Variants in RGS6 observed in about 807,000 individuals in gnomAD.
RGS6 encodes regulator of G-protein signaling 6.
In RGS6, 30 loss-of-function variants were observed where a neutral mutation model predicts 78.5. The ratio of observed to expected loss-of-function variants is 0.38; its 90% CI spans 0.29 to 0.52. The LOEUF is 0.52. Among genes scored for constraint, RGS6 ranks in the 20% least tolerant of loss-of-function variants. RGS6 has a pLI of 0.85. For missense variants in RGS6, 495 were observed against 609.7 expected (o/e 0.81, Z 1.98); for synonymous variants, 206 against 206.0 (o/e 1.00, Z 0.00).
intron 17 of RGS6, among the ~76,000 whole-genome samples, chr14:72,546,747 T>G (rs2097410443): frequency 6.6e-6 from 1 of 152,024 alleles, no homozygotes; most frequent in Non-Finnish European, 1.5e-5. Flanking sequence ...AATCAAATCC[T>G]CTGAGGCAGA....
chr14:72,295,575 A>AT (rs1362754760), intron 2 of RGS6, among the ~76,000 whole-genome samples: 4 of 152,200 alleles, frequency 2.6e-5, no homozygotes, highest in East Asian at 1.9e-4. Flanking sequence ...AGGTGACAAC[A>AT]TTTTTTACCA....
At chr14:72,077,605 T>C (rs1170579113) in intron 2 of RGS6, among the ~76,000 whole-genome samples, 1 of 152,232 alleles carries the variant, frequency 6.6e-6, no homozygotes, top group African/African-American at 2.4e-5. Context: ...TGAAGCCCTT[T>C]AATTCTGTTT....
intron 2 of RGS6, among the ~76,000 whole-genome samples, chr14:72,025,149 A>G (rs546481625): frequency 6.6e-6 from 1 of 151,416 alleles, no homozygotes; most frequent in Non-Finnish European, 1.5e-5. Context: ...CTGGAAAACT[A>G]TCATTTTGCT....
intron 1 of RGS6, among the ~76,000 whole-genome samples, chr14:71,942,236 A>C (rs1409375368): frequency 6.6e-6 from 1 of 152,210 alleles, no homozygotes; most frequent in African/African-American, 2.4e-5. Flanking sequence ...AGTTACATTA[A>C]ATAATAACTA....
At chr14:72,547,799 C>T (rs2097430811) in intron 17 of RGS6, among the ~76,000 whole-genome samples, 1 of 152,110 alleles carries the variant, frequency 6.6e-6, no homozygotes, top group African/African-American at 2.4e-5. Context: ...TCAGCCTGAG[C>T]ATGAGCAACA....
chr14:72,430,969 C>T (rs1012632099), intron 3 of RGS6, among the ~76,000 whole-genome samples: 9 of 152,156 alleles, frequency 5.9e-5, no homozygotes, highest in African/African-American at 2.2e-4. Context: ...TTTCCTTCCC[C>T]TGCTGGCTAT....
Position 72,085,853 on chromosome 14 carries a change from CAAAAA to C in RGS6, c.84+120997_84+121001del, listed in dbSNP as rs35951230. Among the ~76,000 whole-genome samples the C allele has an allele frequency of 3.8e-4, 28 of 72,752 alleles. No individual in the cohort carries two copies. In the South Asian group the frequency reaches 0.014, roughly 36 times the overall value. 47.7% of individuals were successfully genotyped at this position (72,752 alleles called of 152,430 possible). On this transcript the variant is annotated intron_variant, in intron 2 of 17. Transcript: ENST00000553525. Reference sequence around the variant, plus strand: ...AGGGAGACAGAGTGAGACACCATCTCAAAAAAAAAAAAAAAAAAAAAAAGCCATCA... The same window carrying C: ...AGGGAGACAGAGTGAGACACCATCTCAAAAAAAAAAAAAAAAAAGCCATCA...
chr14:72,032,534 A>G (rs1017706906), intron 2 of RGS6, among the ~76,000 whole-genome samples: 1 of 152,168 alleles, frequency 6.6e-6, no homozygotes, highest in Non-Finnish European at 1.5e-5. Context: ...CTATGTGTAC[A>G]TTGTTGTGCC....
chr14:72,244,403 G>T (rs547815644), intron 2 of RGS6, among the ~76,000 whole-genome samples: 1 of 152,024 alleles, frequency 6.6e-6, no homozygotes, highest in East Asian at 1.9e-4. Context: ...TGATATCATA[G>T]CCCATTACTG....
intron 12 of RGS6, among the ~76,000 whole-genome samples, chr14:72,482,829 G>A (rs1245428420): frequency 6.6e-6 from 1 of 152,190 alleles, no homozygotes; most frequent in Non-Finnish European, 1.5e-5. Flanking sequence ...AGATTCAAGG[G>A]CAGAAGAAAT....
At chr14:72,003,386 C>G (rs576916866) in intron 2 of RGS6, among the ~76,000 whole-genome samples, 2 of 152,300 alleles carry the variant, frequency 1.3e-5, no homozygotes, top group South Asian at 2.1e-4. Flanking sequence ...ATGTACGGTT[C>G]GGTGGCACTA....
At chr14:72,616,871 G>A in the RGS6 span, among the ~76,000 whole-genome samples, 2 of 152,202 alleles carry the variant, frequency 1.3e-5, no homozygotes, top group Non-Finnish European at 2.9e-5. Flanking sequence ...TCTGCTTGTA[G>A]TACCCTGACA....
chr14:72,454,859 C>A (rs2095589698), intron 4 of RGS6, among the ~76,000 whole-genome samples: 1 of 152,200 alleles, frequency 6.6e-6, no homozygotes, highest in African/African-American at 2.4e-5. Flanking sequence ...TTAGCTGCAG[C>A]AATTAAAGAT....
At chr14:72,613,047 C>CGCACGCGCAT in the RGS6 span, among the ~76,000 whole-genome samples, 1 of 150,826 alleles carries the variant, frequency 6.6e-6, no homozygotes, top group South Asian at 2.1e-4. Context: ...CGTGCGTGCA[C>CGCACGCGCAT]GCACGCGCAT....
At chr14:72,312,867 T>TA (rs1191713488) in intron 2 of RGS6, among the ~76,000 whole-genome samples, 6 of 152,204 alleles carry the variant, frequency 3.9e-5, no homozygotes, top group Admixed American at 3.9e-4. Context: ...CAAAGGGGTC[T>TA]AAATAGCCCC....
intron 17 of RGS6, among the ~76,000 whole-genome samples, chr14:72,544,627 G>T (rs915791925): frequency 2.0e-5 from 3 of 152,208 alleles, no homozygotes; most frequent in Non-Finnish European, 4.4e-5. Context: ...GGCTTGGCAT[G>T]TGATGGGTGG....
At chr14:71,931,138 G>A (rs891498959), upstream of RGS6, among the ~76,000 whole-genome samples, 1 of 152,038 alleles carries the variant, frequency 6.6e-6, no homozygotes, top group Non-Finnish European at 1.5e-5. Context: ...CAAGTATTGA[G>A]CCTGAGGAAA....
At chr14:72,476,429 C>T (rs1347883541) in intron 10 of RGS6, among the ~76,000 whole-genome samples, 1 of 152,178 alleles carries the variant, frequency 6.6e-6, no homozygotes, top group African/African-American at 2.4e-5. Context: ...TACTCAGCAA[C>T]GTGTCTTTTC....
At chr14:72,547,876 C>T (rs1421258700) in intron 17 of RGS6, among the ~76,000 whole-genome samples, 1 of 152,184 alleles carries the variant, frequency 6.6e-6, no homozygotes, top group Admixed American at 6.5e-5. Flanking sequence ...TCCACACCCC[C>T]CGTGGCGGTC....
Sources: gnomAD v4.1 joint callset for allele counts (sites outside exome capture counted in the v4.1 genomes callset) on GRCh38, gnomAD v4.1.1 for gene constraint, MANE v1.5 for transcripts, NCBI Gene and HGNC (gene_info 2026-07-23, HGNC 2026-07-21) for gene names.